The following LGR5 variants were observed in gnomAD, a reference collection of about 807,000 sequenced individuals.
LGR5 encodes leucine rich repeat containing G protein-coupled receptor 5.
LGR5 carries 54 observed loss-of-function variants against 76.7 expected under a neutral mutation model. That is an observed-to-expected ratio of 0.70 (90% CI 0.57 to 0.88). The LOEUF (loss-of-function observed/expected upper bound fraction) is 0.88, where lower values mean the gene tolerates loss of function less well. Ranked by LOEUF, LGR5 falls within the 40% of genes least tolerant of loss-of-function variation. The probability of loss-of-function intolerance (pLI) is 0.00; values close to 1 mark genes in which losing one functional copy is unlikely to be tolerated. For missense variants in LGR5, 1,078 were observed against 1,073.3 expected (o/e 1.00, Z -0.06); for synonymous variants, 406 against 421.9 (o/e 0.96, Z 0.46).
At chr12:71,537,345 C>A (rs1408985655) in intron 4 of LGR5, among the ~76,000 whole-genome samples, 1 of 151,892 alleles carries the variant, frequency 6.6e-6, no homozygotes, top group Non-Finnish European at 1.5e-5. Context: ...GACATGTGCC[C>A]GCAGTCCCAG....
chr12:71,580,971 T>C (rs1033961342), intron 16 of LGR5, among the ~76,000 whole-genome samples: 1 of 152,214 alleles, frequency 6.6e-6, no homozygotes, highest in Non-Finnish European at 1.5e-5. Flanking sequence ...TGAATTCTTA[T>C]ATTTATATGT....
chr12:71,546,381 A>C (rs1309049703), intron 4 of LGR5, among the ~76,000 whole-genome samples: 1 of 151,974 alleles, frequency 6.6e-6, no homozygotes, highest in Non-Finnish European at 1.5e-5. Flanking sequence ...CATAGAACAC[A>C]TTGATATGAC....
rs184379359 is a variant in LGR5, at chr12:71,549,429, A to C, written c.429-3644A>C. ...ATATATTGTATACTTGAAAATTGCT[A>C]ATAGATTAGATCTTAAATGTTGTCA... On this transcript the variant is annotated intron_variant, in intron 4 of 17. Coordinates refer to ENST00000266674, the MANE Select transcript of LGR5 (RefSeq NM_003667.4). 5.2e-4 allele frequency among the ~76,000 whole-genome samples: 79 copies of C among 152,314 alleles called. 3 individuals are homozygous for C. Among genetic ancestry groups the C allele is most frequent in the Admixed American group, 4.4e-3 (67 of 15,292 alleles).
At chr12:71,500,867 T>C (rs895232202) in intron 1 of LGR5, among the ~76,000 whole-genome samples, 3 of 152,184 alleles carry the variant, frequency 2.0e-5, no homozygotes, top group African/African-American at 4.8e-5. Context: ...ATCAGTAATA[T>C]AGCATAGATA....
chr12:71,561,931 T>A (rs1279213927), intron 8 of LGR5, 79 bp downstream of exon 8: 1 of 859,526 alleles, frequency 1.2e-6, no homozygotes, highest in African/African-American at 1.7e-5. Flanking sequence ...ATGAATATTC[T>A]ATATTTGCCT....
At chr12:71,512,497 G>C (rs929232892) in intron 2 of LGR5, among the ~76,000 whole-genome samples, 2 of 152,098 alleles carry the variant, frequency 1.3e-5, no homozygotes, top group African/African-American at 4.8e-5. Flanking sequence ...AATGACCAGC[G>C]GTTGTCCCCA....
At chr12:71,557,698 C>T (rs1475114489) in intron 6 of LGR5, among the ~76,000 whole-genome samples, 2 of 152,180 alleles carry the variant, frequency 1.3e-5, no homozygotes, top group Non-Finnish European at 1.5e-5. Flanking sequence ...AGCTGCTCTT[C>T]ATTGCCCTGT....
intron 4 of LGR5, among the ~76,000 whole-genome samples, chr12:71,540,466 C>G (rs1876821420): frequency 6.6e-6 from 1 of 152,108 alleles, no homozygotes; most frequent in Non-Finnish European, 1.5e-5. Context: ...TTTTAAAACT[C>G]AAGAATAATG....
At chr12:71,476,751 G>C (rs1427737148) in intron 1 of LGR5, among the ~76,000 whole-genome samples, 1 of 152,164 alleles carries the variant, frequency 6.6e-6, no homozygotes, top group Admixed American at 6.6e-5. Flanking sequence ...ATGATTTTGG[G>C]AAAGAAATCT....
At chr12:71,548,988 T>C (rs1047559389) in intron 4 of LGR5, among the ~76,000 whole-genome samples, 1 of 152,236 alleles carries the variant, frequency 6.6e-6, no homozygotes, top group Admixed American at 6.5e-5. Flanking sequence ...TTGTACCAGA[T>C]AGTGATGTTT....
intron 4 of LGR5, among the ~76,000 whole-genome samples, chr12:71,539,183 A>G (rs1876750197): frequency 1.3e-5 from 2 of 152,176 alleles, no homozygotes; most frequent in African/African-American, 4.8e-5. Flanking sequence ...CGTAGGCAAA[A>G]TGCATTTGAG....
intron 6 of LGR5, among the ~76,000 whole-genome samples, chr12:71,558,299 G>C (rs1877878057): frequency 6.6e-6 from 1 of 152,208 alleles, no homozygotes; most frequent in East Asian, 1.9e-4. Context: ...TCCATAAATA[G>C]TCTTTTTTTT....
intron 1 of LGR5, among the ~76,000 whole-genome samples, chr12:71,495,194 G>A (rs188155646): frequency 6.6e-6 from 1 of 151,344 alleles, no homozygotes; most frequent in South Asian, 2.1e-4. Flanking sequence ...GGGAACACCA[G>A]ACCAACAGAG....
chr12:71,458,021 C>G (rs939206759), intron 1 of LGR5, among the ~76,000 whole-genome samples: 1 of 152,054 alleles, frequency 6.6e-6, no homozygotes, highest in Non-Finnish European at 1.5e-5. Flanking sequence ...CCGCCTCCTC[C>G]TTTCTTGTTT....
intron 1 of LGR5, among the ~76,000 whole-genome samples, chr12:71,446,431 G>C (rs938294492): frequency 6.6e-6 from 1 of 152,168 alleles, no homozygotes. Context: ...ACTTCACTCA[G>C]TCATAGGCCC....
At chr12:71,572,260 T>C (rs1386133807) in intron 12 of LGR5, among the ~76,000 whole-genome samples, 8 of 152,066 alleles carry the variant, frequency 5.3e-5, no homozygotes, top group Admixed American at 5.2e-4. Flanking sequence ...TTTTTTGCAT[T>C]TTTACTAGAG....
At chr12:71,450,860 C>T (rs1458345040) in intron 1 of LGR5, among the ~76,000 whole-genome samples, 2 of 152,082 alleles carry the variant, frequency 1.3e-5, no homozygotes, top group African/African-American at 4.8e-5. Context: ...CAAGATGCAC[C>T]TCTGGTCATG....
At chr12:71,480,607 C>T (rs907596886) in intron 1 of LGR5, among the ~76,000 whole-genome samples, 43 of 151,910 alleles carry the variant, frequency 2.8e-4, no homozygotes, top group African/African-American at 9.7e-4. Flanking sequence ...TGTGTCAATC[C>T]GAAGGGGGAA....
chr12:71,449,624 A>T (rs576684229), intron 1 of LGR5, among the ~76,000 whole-genome samples: 10 of 152,180 alleles, frequency 6.6e-5, no homozygotes, highest in Admixed American at 1.3e-4. Context: ...TGTTAGGTAG[A>T]TATGTTCTGG....
Sources: allele counts gnomAD v4.1 joint callset (sites outside exome capture counted in the v4.1 genomes callset), GRCh38; gene constraint gnomAD v4.1.1; transcripts MANE v1.5; gene names NCBI Gene and HGNC (gene_info 2026-07-23, HGNC 2026-07-21).